The following GNE variants were observed in gnomAD, a reference collection of about 807,000 sequenced individuals.
The protein encoded by GNE is bifunctional UDP-N-acetylglucosamine 2-epimerase/N-acetylmannosamine kinase.
In GNE, 41 loss-of-function variants were observed where a neutral mutation model predicts 61.8. That is an observed-to-expected ratio of 0.66 (90% CI 0.52 to 0.86). GNE has a LOEUF of 0.86. Ranked by LOEUF, GNE falls within the 40% of genes least tolerant of loss-of-function variation. GNE has a pLI of 0.00. For synonymous variants in GNE, 264 were observed against 326.4 expected (o/e 0.81, Z 2.06); for missense variants, 608 against 909.1 (o/e 0.67, Z 4.26).
intron 3 of GNE, among the ~76,000 whole-genome samples, chr9:36,245,477 G>A (rs1382043123): frequency 6.6e-6 from 1 of 151,988 alleles, no homozygotes; most frequent in Non-Finnish European, 1.5e-5. Flanking sequence ...TTGAGGTCAG[G>A]AGTTCGAGAC....
chr9:36,267,020 C>G (rs35406010), intron 1 of GNE, among the ~76,000 whole-genome samples: 2 of 152,080 alleles, frequency 1.3e-5, no homozygotes, highest in Non-Finnish European at 2.9e-5. Flanking sequence ...GAGCCGAGAT[C>G]GTGCCACTGC....
Position 36,215,089 on chromosome 9 carries a change from C to T in GNE, c.*2276G>A, listed in dbSNP as rs1285795818. On this transcript the variant is annotated 3_prime_UTR_variant, in exon 12 of 12. Coordinates refer to ENST00000642385, the MANE Select transcript of GNE (RefSeq NM_005476.7). ...CCTGTAATCCCAGCACTTTGGGAGG[C>T]AGAGGCGGGCGGATCACCTGAGGTC... is the stretch of plus-strand genomic sequence containing the variant. The T allele has an allele frequency of 6.6e-6, 1 of 152,096 alleles. No homozygotes were observed. Among genetic ancestry groups the T allele is most frequent in the Non-Finnish European group, 1.5e-5 (1 of 68,012 alleles). 9.4% of individuals were successfully genotyped at this position (152,096 alleles called of 1,614,324 possible).
At chr9:36,272,618 C>A (rs1831072234) in intron 1 of GNE, among the ~76,000 whole-genome samples, 2 of 63,962 alleles carry the variant, frequency 3.1e-5, no homozygotes, top group East Asian at 3.8e-4. Flanking sequence ...GAGACTCCGC[C>A]TCAAAAAAAA....
rs1554661574 is a variant in GNE at position 36,236,975 on chromosome 9, ACAT to A, written c.623_625del (p.Asp208del). ...TGCAACAATGTAATCTTTAGATTTT[ACAT>A]CATCACCTGTTTAAAGAAAATCAAA... On this transcript the variant is annotated inframe_deletion, in exon 4 of 12. Transcript: ENST00000642385. 6.2e-7 allele frequency: 1 copy of A among 1,610,222 alleles called. No individual in the cohort carries two copies. Among genetic ancestry groups the A allele is most frequent in the South Asian group, 1.1e-5 (1 of 90,996 alleles).
At chr9:36,272,138 G>A (rs1249558019) in intron 1 of GNE, among the ~76,000 whole-genome samples, 1 of 152,166 alleles carries the variant, frequency 6.6e-6, no homozygotes, top group Non-Finnish European at 1.5e-5. Flanking sequence ...AACAAGGTGG[G>A]AAATTTGGCG....
chr9:36,276,844 T>C, intron 1 of GNE: 1 of 1,404,030 alleles, frequency 7.1e-7, no homozygotes, highest in African/African-American at 1.4e-5. Context: ...CCCCTTTTTT[T>C]CTGATTGCAA....
At position 36,222,770 on chromosome 9, in the gene GNE, C is replaced by G. The variant is rs773608353; in HGVS notation, c.1633+7G>C. The G allele has an allele frequency of 3.8e-6, 6 of 1,596,186 alleles. No individual in the cohort carries two copies. Among genetic ancestry groups the G allele is most frequent in the South Asian group, 3.3e-5 (3 of 90,698 alleles). ...CTCCTGAACCAACCTCCCCCTACCC[C>G]TCTTACCTGTGCCTGTGATAAGTGT... is the stretch of plus-strand genomic sequence containing the variant. On this transcript the variant is annotated splice_region_variant and intron_variant, in intron 9 of 11. Coordinates refer to ENST00000642385, the MANE Select transcript of GNE (RefSeq NM_005476.7).
chr9:36,233,281 A>T (rs1452139070), intron 5 of GNE, among the ~76,000 whole-genome samples: 1 of 152,236 alleles, frequency 6.6e-6, no homozygotes, highest in African/African-American at 2.4e-5. Flanking sequence ...GGGATTCTAC[A>T]TTAGGCCCAG....
At chr9:36,249,449 C>A in intron 1 of GNE, 52 bp from the exon 2 acceptor site, 11 of 1,164,564 alleles carry the variant, frequency 9.4e-6, no homozygotes, top group Non-Finnish European at 1.1e-5. Context: ...CTAGATATAA[C>A]TAAACTTTAA....
At chr9:36,239,473 C>G (rs1377439592) in intron 3 of GNE, among the ~76,000 whole-genome samples, 3 of 151,418 alleles carry the variant, frequency 2.0e-5, no homozygotes, top group South Asian at 2.1e-4. Context: ...TTCTTTTTCT[C>G]TCTTTTTTTT....
rs1053810947 is a variant in GNE at position 36,215,192 on chromosome 9, T to C, written c.*2173A>G. The C allele has an allele frequency of 2.0e-5, 3 of 151,514 alleles. No individual in the cohort carries two copies. Among genetic ancestry groups the C allele is most frequent in the Non-Finnish European group, 2.9e-5 (2 of 67,924 alleles). 9.4% of individuals were successfully genotyped at this position (151,514 alleles called of 1,614,324 possible). On this transcript the variant is annotated 3_prime_UTR_variant, in exon 12 of 12. Transcript: ENST00000642385. The stretch of plus-strand genomic sequence containing the variant: ...ACAAAAAAAAATCAGCCGGGCGTGG[T>C]GCATGTGCCTGTAATCCCAGCTACT...
At chr9:36,250,932 C>T (rs181223241) in intron 1 of GNE, among the ~76,000 whole-genome samples, 6 of 152,242 alleles carry the variant, frequency 3.9e-5, no homozygotes, top group African/African-American at 1.4e-4. Context: ...CCACCCACCT[C>T]GGCCTCCCAA....
At chr9:36,242,048 A>G in intron 3 of GNE, among the ~76,000 whole-genome samples, 1 of 152,004 alleles carries the variant, frequency 6.6e-6, no homozygotes, top group East Asian at 1.9e-4. Flanking sequence ...AGGCAGGAGT[A>G]TTGCTTAAAC....
intron 1 of GNE, among the ~76,000 whole-genome samples, chr9:36,271,476 C>T (rs1056001111): frequency 6.6e-6 from 1 of 152,262 alleles, no homozygotes; most frequent in African/African-American, 2.4e-5. Context: ...CGGGTTCAAG[C>T]GATTCTCCTG....
intron 1 of GNE, among the ~76,000 whole-genome samples, chr9:36,274,797 A>C (rs1831197343): frequency 6.8e-6 from 1 of 147,498 alleles, no homozygotes; most frequent in Non-Finnish European, 1.5e-5. Flanking sequence ...ATCTCTGTTC[A>C]CTGCAAGCTC....
intron 1 of GNE, among the ~76,000 whole-genome samples, chr9:36,263,889 T>G (rs184718613): frequency 2.6e-5 from 4 of 152,296 alleles, no homozygotes; most frequent in Admixed American, 1.3e-4. Context: ...CAATGGTAAT[T>G]AGCTAATGTG....
chr9:36,247,419 C>A (rs892703199), intron 2 of GNE, among the ~76,000 whole-genome samples: 2 of 152,058 alleles, frequency 1.3e-5, no homozygotes, highest in African/African-American at 4.8e-5. Flanking sequence ...TCCCAGTCAT[C>A]CAATTCTTCT....
intron 1 of GNE, among the ~76,000 whole-genome samples, chr9:36,254,502 A>T (rs1830248322): frequency 6.6e-6 from 1 of 152,154 alleles, no homozygotes; most frequent in Non-Finnish European, 1.5e-5. Context: ...ACCGCACTCC[A>T]GCCTGAAAGA....
chr9:36,220,079 T>C, intron 9 of GNE, 59 bp from the exon 10 acceptor site: 2 of 1,312,312 alleles, frequency 1.5e-6, no homozygotes, highest in East Asian at 2.3e-5. Flanking sequence ...AACTATGATA[T>C]CACAACGCCT....
Sources: allele counts gnomAD v4.1 joint callset (sites outside exome capture counted in the v4.1 genomes callset), GRCh38; gene constraint gnomAD v4.1.1; transcripts MANE v1.5; gene names NCBI Gene and HGNC (gene_info 2026-07-23, HGNC 2026-07-21).